Variants in KCNN2 observed in about 807,000 individuals in gnomAD.
The protein encoded by KCNN2 is small conductance calcium-activated potassium channel protein 2.
Under a neutral mutation model 55.5 loss-of-function variants are expected in KCNN2, and 24 were observed. That is an observed-to-expected ratio of 0.43 (90% CI 0.31 to 0.61). The LOEUF is 0.61. Ranked by LOEUF, KCNN2 falls within the 20% of genes least tolerant of loss-of-function variation. KCNN2 has a pLI of 0.08. For synonymous variants in KCNN2, 431 were observed against 336.1 expected, an observed-to-expected ratio of 1.28 and a Z score of -3.09; for missense variants, 754 against 853.6, an observed-to-expected ratio of 0.88 and a Z score of 1.45.
intron 1 of KCNN2, among the ~76,000 whole-genome samples, chr5:114,084,689 T>A (rs981001276): frequency 1.3e-4 from 20 of 152,168 alleles, no homozygotes; most frequent in South Asian, 4.1e-4. Flanking sequence ...CTTATCAAAT[T>A]TTTTGATCAT....
upstream of KCNN2, among the ~76,000 whole-genome samples, chr5:114,360,722 A>C (rs191044830): frequency 1.6e-3 from 245 of 152,306 alleles, no homozygotes; most frequent in Non-Finnish European, 2.6e-3. Context: ...AGAGTAAATA[A>C]ATAAATAATG....
At chr5:114,477,007 C>A (rs1471866479) in intron 5 of KCNN2, among the ~76,000 whole-genome samples, 4 of 152,106 alleles carry the variant, frequency 2.6e-5, no homozygotes, top group African/African-American at 9.7e-5. Context: ...TAAAATAATT[C>A]TAAAATGCTG....
intron 2 of KCNN2, among the ~76,000 whole-genome samples, chr5:114,392,669 C>G (rs193043734): frequency 6.6e-6 from 1 of 152,106 alleles, no homozygotes; most frequent in Non-Finnish European, 1.5e-5. Flanking sequence ...GAAAAGTCAT[C>G]TCTCCCTTTC....
At chr5:114,406,066 T>C (rs1248054156) in intron 3 of KCNN2, among the ~76,000 whole-genome samples, 3 of 145,758 alleles carry the variant, frequency 2.1e-5, no homozygotes, top group Non-Finnish European at 4.5e-5. Flanking sequence ...CTCAGATAGT[T>C]CAAGGAAGAA....
At chr5:114,163,359 G>A (rs1275918812) in intron 1 of KCNN2, among the ~76,000 whole-genome samples, 1 of 152,142 alleles carries the variant, frequency 6.6e-6, no homozygotes, top group Non-Finnish European at 1.5e-5. Flanking sequence ...GGGCATCCTT[G>A]TGGCAATTTT....
At chr5:114,300,227 A>G (rs1756125007) in intron 2 of KCNN2, among the ~76,000 whole-genome samples, 1 of 152,180 alleles carries the variant, frequency 6.6e-6, no homozygotes, top group Admixed American at 6.5e-5. Flanking sequence ...CTTTCATAAA[A>G]GTGACTTTCA....
chr5:114,287,720 C>T (rs1170729658), intron 2 of KCNN2, among the ~76,000 whole-genome samples: 2 of 151,298 alleles, frequency 1.3e-5, no homozygotes, highest in African/African-American at 2.4e-5. Flanking sequence ...ACCTATGTAA[C>T]CTGCACTTTC....
At chr5:114,432,691 C>G (rs979300878) in intron 3 of KCNN2, among the ~76,000 whole-genome samples, 1 of 152,168 alleles carries the variant, frequency 6.6e-6, no homozygotes, top group South Asian at 2.1e-4. Flanking sequence ...GGGAGAGGCG[C>G]GAGCGGGAAC....
intron 2 of KCNN2, among the ~76,000 whole-genome samples, chr5:114,372,578 A>C (rs772663013): frequency 6.6e-6 from 1 of 152,084 alleles, no homozygotes; most frequent in Admixed American, 6.6e-5. Context: ...TACTCTTAAA[A>C]ATTTTATTTT....
Position 114,396,003 on chromosome 5 carries a change from G to A in KCNN2, c.1219-8435G>A, listed in dbSNP as rs188096448. On this transcript the variant is annotated intron_variant, in intron 2 of 7. Coordinates refer to ENST00000673685, the MANE Select transcript of KCNN2 (RefSeq NM_021614.4). ...CTTCTCTTCTGAGTGACCTGCACTT[G>A]GCATATATACTCAGATGTAAATGGC... Among the ~76,000 whole-genome samples, 269 of 152,268 alleles carry A rather than the reference G, an allele frequency of 1.8e-3. 2 individuals carry two copies. The highest frequency in any genetic ancestry group is 6.3e-3 in the African/African-American group (261 of 41,548).
At chr5:114,489,591 C>G (rs923880276) in intron 6 of KCNN2, among the ~76,000 whole-genome samples, 1 of 152,132 alleles carries the variant, frequency 6.6e-6, no homozygotes, top group Non-Finnish European at 1.5e-5. Context: ...CTAGGGGTTA[C>G]CGGGTTTCCA....
chr5:114,393,505 C>G (rs1339653471), intron 2 of KCNN2, among the ~76,000 whole-genome samples: 1 of 151,866 alleles, frequency 6.6e-6, no homozygotes, highest in Non-Finnish European at 1.5e-5. Context: ...TCTCATTCTT[C>G]CCTCCTCTGT....
intron 4 of KCNN2, among the ~76,000 whole-genome samples, chr5:114,470,298 T>C (rs967805503): frequency 2.0e-5 from 3 of 152,184 alleles, no homozygotes; most frequent in South Asian, 2.1e-4. Context: ...CTCTCATAGC[T>C]GTCTCTGCAG....
chr5:114,330,026 C>G (rs1561573457), intron 2 of KCNN2, among the ~76,000 whole-genome samples: 1 of 127,012 alleles, frequency 7.9e-6, no homozygotes, highest in Non-Finnish European at 1.7e-5. Flanking sequence ...CTCTCTCTCC[C>G]CTTTGAGCCT....
At chr5:114,319,084 G>A (rs1756564062) in intron 2 of KCNN2, among the ~76,000 whole-genome samples, 1 of 152,020 alleles carries the variant, frequency 6.6e-6, no homozygotes, top group South Asian at 2.1e-4. Flanking sequence ...GTATATTCAG[G>A]AATATACTCA....
At chr5:114,245,886 T>C (rs1754740182) in intron 2 of KCNN2, among the ~76,000 whole-genome samples, 1 of 152,222 alleles carries the variant, frequency 6.6e-6, no homozygotes, top group African/African-American at 2.4e-5. Flanking sequence ...GTGCTGCCTC[T>C]ACCTTATCAC....
chr5:114,249,285 TC>T (rs5870589), intron 2 of KCNN2, among the ~76,000 whole-genome samples: 57,225 of 118,036 alleles, frequency 0.48, 11,411 homozygotes, highest in East Asian at 0.76. Flanking sequence ...TTTCTTTCTT[TC>T]TTTCTTTTTT....
At chr5:114,167,708 C>A (rs1045612497) in intron 1 of KCNN2, among the ~76,000 whole-genome samples, 1 of 152,044 alleles carries the variant, frequency 6.6e-6, no homozygotes, top group Non-Finnish European at 1.5e-5. Context: ...TAGATAAACC[C>A]AGATATGAAA....
intron 2 of KCNN2, among the ~76,000 whole-genome samples, chr5:114,260,268 A>G (rs1755075429): frequency 6.6e-6 from 1 of 152,144 alleles, no homozygotes. Context: ...TACCAACTTC[A>G]CATCACACTT....
Sources: gnomAD v4.1 joint callset for allele counts (sites outside exome capture counted in the v4.1 genomes callset) on GRCh38, gnomAD v4.1.1 for gene constraint, MANE v1.5 for transcripts, NCBI Gene and HGNC (gene_info 2026-07-23, HGNC 2026-07-21) for gene names.